Variants in FOXP1 observed in about 807,000 individuals in gnomAD.
FOXP1 encodes forkhead box protein P1.
Under a neutral mutation model 98.2 loss-of-function variants are expected in FOXP1, and 15 were observed. That is an observed-to-expected ratio of 0.15 (90% confidence interval 0.10 to 0.24). FOXP1 has a LOEUF of 0.24. Among genes scored for constraint, FOXP1 ranks in the 10% least tolerant of loss-of-function variants. The pLI, the probability that FOXP1 is intolerant of heterozygous loss-of-function variation, is 1.00. For synonymous variants in FOXP1, 371 were observed against 314.5 expected (o/e 1.18, Z -1.90); for missense variants, 633 against 848.5 (o/e 0.75, Z 3.15).
At chr3:71,347,492 T>C (rs924419282) in intron 4 of FOXP1, among the ~76,000 whole-genome samples, 3 of 152,166 alleles carry the variant, frequency 2.0e-5, no homozygotes, top group African/African-American at 4.8e-5. Context: ...ATAAACTACA[T>C]GCTAGCACTG....
intron 4 of FOXP1, among the ~76,000 whole-genome samples, chr3:71,322,395 A>G (rs2075442897): frequency 6.6e-6 from 1 of 151,918 alleles, no homozygotes; most frequent in African/African-American, 2.4e-5. Context: ...TAGTGTAGAT[A>G]TAGAACATTT....
chr3:71,396,327 G>T (rs1286509394), intron 3 of FOXP1, among the ~76,000 whole-genome samples: 1 of 152,196 alleles, frequency 6.6e-6, no homozygotes, highest in Non-Finnish European at 1.5e-5. Context: ...CAGAAATGCA[G>T]TGCTCAGCCC....
intron 7 of FOXP1, among the ~76,000 whole-genome samples, chr3:71,055,910 G>A (rs1329878572): frequency 6.6e-6 from 1 of 152,144 alleles, no homozygotes; most frequent in East Asian, 1.9e-4. Flanking sequence ...AAACAGACAG[G>A]AATAGGGTGG....
intron 3 of FOXP1, among the ~76,000 whole-genome samples, chr3:71,429,573 G>A (rs1381426965): frequency 6.6e-6 from 1 of 151,988 alleles, no homozygotes; most frequent in Non-Finnish European, 1.5e-5. Flanking sequence ...TAGAAAGTTA[G>A]AAAAAGCTTA....
intron 3 of FOXP1, among the ~76,000 whole-genome samples, chr3:71,375,178 G>A (rs2079624655): frequency 6.6e-6 from 1 of 152,164 alleles, no homozygotes; most frequent in South Asian, 2.1e-4. Context: ...CATTCATAGT[G>A]GGTAGGGGGT....
intron 3 of FOXP1, among the ~76,000 whole-genome samples, chr3:71,410,732 T>G (rs1018544835): frequency 6.6e-6 from 1 of 152,220 alleles, no homozygotes; most frequent in Non-Finnish European, 1.5e-5. Flanking sequence ...AATCAGGACT[T>G]CAAGTGGAAT....
intron 3 of FOXP1, among the ~76,000 whole-genome samples, chr3:71,388,023 A>G (rs2080727025): frequency 6.6e-6 from 1 of 152,232 alleles, no homozygotes; most frequent in African/African-American, 2.4e-5. Context: ...CAGCCAATTC[A>G]AAAGGGATGA....
chr3:71,252,935 G>A (rs2107081210), intron 5 of FOXP1, among the ~76,000 whole-genome samples: 1 of 152,312 alleles, frequency 6.6e-6, no homozygotes, highest in East Asian at 1.9e-4. Context: ...GAAACCAAAG[G>A]AAGGATTCAT....
intron 4 of FOXP1, among the ~76,000 whole-genome samples, chr3:71,345,418 A>G (rs1303202210): frequency 6.6e-6 from 1 of 151,274 alleles, no homozygotes; most frequent in Non-Finnish European, 1.5e-5. Context: ...ACACACACAC[A>G]CACACACACA....
At chr3:71,256,833 A>G (rs2068666118) in intron 5 of FOXP1, among the ~76,000 whole-genome samples, 1 of 152,144 alleles carries the variant, frequency 6.6e-6, no homozygotes, top group Non-Finnish European at 1.5e-5. Context: ...GACTGATGTG[A>G]GGACAGAAAC....
intron 3 of FOXP1, among the ~76,000 whole-genome samples, chr3:71,452,081 C>T (rs933296959): frequency 5.3e-5 from 8 of 152,136 alleles, no homozygotes; most frequent in African/African-American, 1.4e-4. Flanking sequence ...AGGGTAAAGA[C>T]GTACATGTCA....
chr3:71,328,333 A>T (rs559637467), intron 4 of FOXP1, among the ~76,000 whole-genome samples: 1 of 152,372 alleles, frequency 6.6e-6, no homozygotes, highest in African/African-American at 2.4e-5. Flanking sequence ...GGAGGCTCCC[A>T]GCTGAAGAAC....
intron 5 of FOXP1, among the ~76,000 whole-genome samples, chr3:71,275,476 G>A (rs1305402914): frequency 6.6e-6 from 1 of 152,208 alleles, no homozygotes; most frequent in Admixed American, 6.5e-5. Context: ...AGAGCTGGAA[G>A]AATTAATCCC....
intron 6 of FOXP1, among the ~76,000 whole-genome samples, chr3:71,179,245 C>T (rs2062138865): frequency 6.6e-6 from 1 of 151,344 alleles, no homozygotes; most frequent in African/African-American, 2.4e-5. Context: ...TCTCCTGCCT[C>T]AGCCTCCCGA....
intron 5 of FOXP1, among the ~76,000 whole-genome samples, chr3:71,261,533 A>G (rs1031066270): frequency 2.0e-5 from 3 of 152,226 alleles, no homozygotes; most frequent in Non-Finnish European, 4.4e-5. Context: ...TAATGCTGAA[A>G]TTAACAAGAT....
chr3:71,283,522 T>A (rs137957676), intron 5 of FOXP1, among the ~76,000 whole-genome samples: 1 of 152,192 alleles, frequency 6.6e-6, no homozygotes, highest in African/African-American at 2.4e-5. Context: ...GTGTCCTCCA[T>A]GTGACAGGGA....
intron 3 of FOXP1, among the ~76,000 whole-genome samples, chr3:71,426,724 G>A (rs1283860551): frequency 6.6e-6 from 1 of 152,010 alleles, no homozygotes; most frequent in African/African-American, 2.4e-5. Context: ...TTACCTTCTT[G>A]GGAAGTCCTT....
At chr3:71,211,389 A>G (rs1473646656) in intron 5 of FOXP1, among the ~76,000 whole-genome samples, 1 of 152,052 alleles carries the variant, frequency 6.6e-6, no homozygotes, top group Non-Finnish European at 1.5e-5. Context: ...TATTTTTAGT[A>G]CAGACAGGGT....
chr3:71,485,867 G>A lies in FOXP1; in HGVS notation c.-168+7559C>T, dbSNP rs149001117. On this transcript the variant is annotated intron_variant, in intron 3 of 20. Coordinates refer to ENST00000649528, the MANE Select transcript of FOXP1 (RefSeq NM_001349338.3). The stretch of plus-strand genomic sequence containing the variant: ...TTTTCAACTGAGGAAAAAGCCAGGA[G>A]GTGAGGAATATTTTGGAGAAAATTT... Among the ~76,000 whole-genome samples the A allele has an allele frequency of 1.5e-3, 235 of 152,064 alleles. 2 individuals carry two copies. The highest frequency in any genetic ancestry group is 5.3e-3 in the African/African-American group (221 of 41,456).
Sources: gnomAD v4.1 joint callset for allele counts (sites outside exome capture counted in the v4.1 genomes callset) on GRCh38, gnomAD v4.1.1 for gene constraint, MANE v1.5 for transcripts, NCBI Gene and HGNC (gene_info 2026-07-23, HGNC 2026-07-21) for gene names.